ARHGAP22: variants seen among roughly 807,000 people sequenced by gnomAD.
ARHGAP22 encodes rho GTPase-activating protein 22.
A neutral mutation model predicts 59.1 loss-of-function variants in ARHGAP22; 48 were observed. That is an observed-to-expected ratio of 0.81 (90% CI 0.64 to 1.03). The LOEUF (loss-of-function observed/expected upper bound fraction) is 1.03. Among genes scored for constraint, ARHGAP22 ranks in the 50% least tolerant of loss-of-function variants. The pLI, the probability that ARHGAP22 is intolerant of heterozygous loss-of-function variation, is 0.00. For synonymous variants in ARHGAP22, 445 were observed against 416.4 expected (o/e 1.07, Z -0.84); for missense variants, 1,015 against 958.7 (o/e 1.06, Z -0.78).
chr10:48,592,391 T>C (rs1459677872), intron 1 of ARHGAP22, among the ~76,000 whole-genome samples: 1 of 152,200 alleles, frequency 6.6e-6, no homozygotes, highest in Non-Finnish European at 1.5e-5. Context: ...TGGCAATGAC[T>C]CTCACATTGT....
intron 1 of ARHGAP22, among the ~76,000 whole-genome samples, chr10:48,633,006 G>GAC (rs1160467288): frequency 5.4e-4 from 82 of 152,306 alleles, no homozygotes; most frequent in African/African-American, 1.9e-3. Flanking sequence ...GACATCACCT[G>GAC]CCACACGGAG....
rs768138963 is a variant in ARHGAP22 at position 48,446,399 on chromosome 10, G to A, written c.2089C>T (p.Pro697Ser). Residue 697 changes from proline (P) to serine (S), a missense_variant, in exon 10 of 10, where the codon CCA (proline) becomes TCA (serine). Pro to Ser is a moderately conservative substitution (Grantham distance 74). Transcript: ENST00000249601. ...LTVGAKGARA[P>S]K ...GAGCTCTGCCATTCCTTTTACTTTG[G>A]GGCCCTGGCACCTTTTGCCCCAACA... The A allele has an allele frequency of 2.5e-6, 4 of 1,613,926 alleles. No individual in the cohort carries two copies. Among genetic ancestry groups the A allele is most frequent in the South Asian group, 1.1e-5 (1 of 91,070 alleles).
intron 1 of ARHGAP22, among the ~76,000 whole-genome samples, chr10:48,623,633 T>C (rs1418637366): frequency 6.6e-6 from 1 of 152,124 alleles, no homozygotes; most frequent in Admixed American, 6.5e-5. Flanking sequence ...AACACCTCTA[T>C]CCCTCAAAGC....
Position 48,450,739 on chromosome 10 carries a change from C to CGTTCATAAGCCAGTTCCCGCCA in ARHGAP22, c.1389_1390insTGGCGGGAACTGGCTTATGAAC (p.Gly464TrpfsTer149). The CGTTCATAAGCCAGTTCCCGCCA allele has an allele frequency of 6.4e-7, 1 of 1,559,140 alleles. No homozygotes were observed. The highest frequency in any genetic ancestry group is 8.7e-7 in the Non-Finnish European group (1 of 1,152,202). ...CGGTGTCCGCGCAGGGAGGACAGCCCGTTCATAAGCCAGTTCCCGCCGGAG... is the reference window on the plus strand; with the variant it reads ...CGGTGTCCGCGCAGGGAGGACAGCCCGTTCATAAGCCAGTTCCCGCCAGTTCATAAGCCAGTTCCCGCCGGAG... On this transcript the variant is annotated frameshift_variant, in exon 9 of 10. Transcript: ENST00000249601. LOFTEE classifies it high-confidence loss of function.
At chr10:48,465,560 C>A (rs2047574173) in intron 4 of ARHGAP22, among the ~76,000 whole-genome samples, 1 of 152,214 alleles carries the variant, frequency 6.6e-6, no homozygotes, top group Admixed American at 6.5e-5. Context: ...AGGGTCAATT[C>A]CTGGACAGGT....
chr10:48,523,622 A>G (rs1326331972), intron 3 of ARHGAP22, among the ~76,000 whole-genome samples: 1 of 152,224 alleles, frequency 6.6e-6, no homozygotes, highest in South Asian at 2.1e-4. Context: ...CCGGCAGTTA[A>G]GCCGCAGGGG....
chr10:48,437,310 A>T, the ARHGAP22 span: 1 of 152,136 alleles, frequency 6.6e-6, no homozygotes, highest in South Asian at 2.1e-4. Flanking sequence ...AGCTAAATAT[A>T]TGTTGGTTCT....
At chr10:48,589,154 C>T (rs923674194) in intron 1 of ARHGAP22, among the ~76,000 whole-genome samples, 8 of 152,150 alleles carry the variant, frequency 5.3e-5, no homozygotes, top group African/African-American at 1.4e-4. Context: ...GAGATTTTGG[C>T]CTCTCCTGAT....
At chr10:48,554,208 C>G (rs2057125638) in intron 3 of ARHGAP22, among the ~76,000 whole-genome samples, 1 of 152,204 alleles carries the variant, frequency 6.6e-6, no homozygotes, top group African/African-American at 2.4e-5. Flanking sequence ...CAACTTTTGC[C>G]TGTGCCCCTG....
At chr10:48,493,490 T>C in intron 3 of ARHGAP22, 1 of 1,535,976 alleles carries the variant, frequency 6.5e-7, no homozygotes, top group Middle Eastern at 1.7e-4. Flanking sequence ...CAGAAGGGCA[T>C]GGTGTGGAGC....
intron 3 of ARHGAP22, among the ~76,000 whole-genome samples, chr10:48,506,638 CT>C (rs1316700517): frequency 6.6e-6 from 1 of 152,118 alleles, no homozygotes; most frequent in Admixed American, 6.5e-5. Context: ...GCACCATTCC[CT>C]AGCACAACAC....
At chr10:48,434,931 G>A in the ARHGAP22 span, 26 of 1,613,334 alleles carry the variant, frequency 1.6e-5, no homozygotes, top group Non-Finnish European at 2.2e-5. Context: ...ATCGTCGTCT[G>A]TCAATGATGT....
intron 3 of ARHGAP22, among the ~76,000 whole-genome samples, chr10:48,551,960 G>A (rs559180395): frequency 3.3e-5 from 5 of 152,356 alleles, no homozygotes; most frequent in Non-Finnish European, 7.3e-5. Context: ...CTATCTAGCT[G>A]TGCTGGCTGA....
At chr10:48,564,106 G>T (rs2057891578) in intron 2 of ARHGAP22, among the ~76,000 whole-genome samples, 1 of 152,172 alleles carries the variant, frequency 6.6e-6, no homozygotes, top group Non-Finnish European at 1.5e-5. Context: ...CTTTCTGAAA[G>T]CAATTTTGCA....
intron 2 of ARHGAP22, chr10:48,575,295 T>C (rs544780873): frequency 9.8e-5 from 15 of 152,358 alleles, no homozygotes; most frequent in Admixed American, 7.8e-4. Flanking sequence ...TATTTCTTTA[T>C]AGCAATGGGA....
At chr10:48,564,715 A>G (rs1488365545) in intron 2 of ARHGAP22, among the ~76,000 whole-genome samples, 1 of 152,208 alleles carries the variant, frequency 6.6e-6, no homozygotes, top group East Asian at 1.9e-4. Context: ...ATGCCCATCC[A>G]TCATTTTCAG....
At chr10:48,625,986 G>C (rs959279317) in intron 1 of ARHGAP22, among the ~76,000 whole-genome samples, 1 of 152,136 alleles carries the variant, frequency 6.6e-6, no homozygotes, top group African/African-American at 2.4e-5. Context: ...CTAGTCCCAA[G>C]AGAGACCTGG....
chr10:48,576,862 G>A (rs1235979472), intron 2 of ARHGAP22, among the ~76,000 whole-genome samples: 2 of 152,012 alleles, frequency 1.3e-5, no homozygotes, highest in Admixed American at 6.6e-5. Context: ...CCTAGCATGG[G>A]CAGTGAGATT....
intron 4 of ARHGAP22, among the ~76,000 whole-genome samples, chr10:48,473,111 T>A (rs61838735): frequency 0.025 from 3,850 of 152,330 alleles, 69 homozygotes; most frequent in Non-Finnish European, 0.038. Flanking sequence ...CATCAATGGA[T>A]GAATGGATAA....
Sources: allele counts gnomAD v4.1 joint callset (sites outside exome capture counted in the v4.1 genomes callset), GRCh38; gene constraint gnomAD v4.1.1; transcripts MANE v1.5; gene names NCBI Gene and HGNC (gene_info 2026-07-23, HGNC 2026-07-21).